Variants in SCRG1 observed in about 807,000 individuals in gnomAD.
The protein encoded by SCRG1 is stimulator of chondrogenesis 1, also known as scrapie-responsive protein 1.
SCRG1 carries 3 observed loss-of-function variants against 7.7 expected under a neutral mutation model. The ratio of observed to expected loss-of-function variants is 0.39; its 90% CI spans 0.18 to 1.01. The LOEUF (loss-of-function observed/expected upper bound fraction) is 1.01, where lower values mean the gene tolerates loss of function less well. SCRG1 is among the 50% of genes least tolerant of loss of function. The pLI is 0.36. For missense variants in SCRG1, 110 were observed against 117.2 expected, an observed-to-expected ratio of 0.94 and a Z score of 0.28; for synonymous variants, 46 against 41.2, an observed-to-expected ratio of 1.12 and a Z score of -0.44.
the SCRG1 span, among the ~76,000 whole-genome samples, chr4:173,485,586 A>G: frequency 6.6e-6 from 1 of 152,114 alleles, no homozygotes; most frequent in Admixed American, 6.6e-5. Flanking sequence ...ATAGTTTGTT[A>G]TACCATACTA....
chr4:173,412,753 A>G, the SCRG1 span, among the ~76,000 whole-genome samples: 413 of 152,232 alleles, frequency 2.7e-3, 4 homozygotes, highest in Non-Finnish European at 4.2e-3. Flanking sequence ...TTTTCCCCCA[A>G]TAACTTGGGA....
the SCRG1 span, among the ~76,000 whole-genome samples, chr4:173,418,427 T>C: frequency 6.6e-6 from 1 of 152,202 alleles, no homozygotes; most frequent in African/African-American, 2.4e-5. Context: ...CCAGCACAGC[T>C]GAGCCCATCA....
the SCRG1 span, among the ~76,000 whole-genome samples, chr4:173,463,953 T>A: frequency 6.6e-6 from 1 of 151,974 alleles, no homozygotes; most frequent in Non-Finnish European, 1.5e-5. Context: ...CAACGGACAA[T>A]GGGGGGAGAA....
chr4:173,408,070 T>A (rs576500987), upstream of SCRG1, among the ~76,000 whole-genome samples: 2 of 152,330 alleles, frequency 1.3e-5, no homozygotes, highest in Non-Finnish European at 2.9e-5. Flanking sequence ...ACATATCAGA[T>A]AGGACACATG....
At chr4:173,472,077 A>T in the SCRG1 span, among the ~76,000 whole-genome samples, 1 of 152,070 alleles carries the variant, frequency 6.6e-6, no homozygotes, top group African/African-American at 2.4e-5. Context: ...TTTTCTTACC[A>T]TTTCTTCCTT....
chr4:173,483,925 A>T, the SCRG1 span, among the ~76,000 whole-genome samples: 9 of 101,868 alleles, frequency 8.8e-5, no homozygotes, highest in African/African-American at 3.7e-4. Flanking sequence ...TATGTTATAT[A>T]TTTCATATAT....
At chr4:173,518,727 G>A in the SCRG1 span, among the ~76,000 whole-genome samples, 1 of 152,084 alleles carries the variant, frequency 6.6e-6, no homozygotes, top group South Asian at 2.1e-4. Flanking sequence ...CCACTTTGCC[G>A]TTCGAAAATG....
chr4:173,427,203 T>C, the SCRG1 span, among the ~76,000 whole-genome samples: 4 of 152,218 alleles, frequency 2.6e-5, no homozygotes, highest in African/African-American at 4.8e-5. Context: ...ATCTGACTAA[T>C]TCGTGAGCCC....
At chr4:173,517,571 CCACA>C in the SCRG1 span, among the ~76,000 whole-genome samples, 2 of 152,152 alleles carry the variant, frequency 1.3e-5, no homozygotes, top group Non-Finnish European at 2.9e-5. Flanking sequence ...CTGCGTACAT[CCACA>C]CAGCGCATTA....
At chr4:173,485,095 T>A in the SCRG1 span, among the ~76,000 whole-genome samples, 630 of 11,304 alleles carry the variant, frequency 0.056, 125 homozygotes, top group Non-Finnish European at 0.12. Flanking sequence ...ATATTATATA[T>A]TATATATTAT....
the SCRG1 span, among the ~76,000 whole-genome samples, chr4:173,506,427 TG>T: frequency 6.6e-6 from 1 of 152,156 alleles, no homozygotes; most frequent in Admixed American, 6.5e-5. This position sits in a 1 kb window ranked among gnomAD's most constrained non-coding sequence, Gnocchi z 5.3. Context: ...CTCTCATGCC[TG>T]GAACTTGTTT....
the SCRG1 span, among the ~76,000 whole-genome samples, chr4:173,461,913 A>T: frequency 1.3e-5 from 2 of 152,300 alleles, no homozygotes; most frequent in African/African-American, 4.8e-5. Context: ...GGAGCCAAAA[A>T]ATGCAATTGG....
At chr4:173,489,051 T>C in the SCRG1 span, among the ~76,000 whole-genome samples, 2 of 152,206 alleles carry the variant, frequency 1.3e-5, no homozygotes, top group Non-Finnish European at 2.9e-5. Context: ...TAATGTCTCA[T>C]TCATTTTACA....
the SCRG1 span, chr4:173,468,620 G>A: frequency 2.0e-5 from 3 of 152,190 alleles, no homozygotes; most frequent in African/African-American, 7.2e-5. Flanking sequence ...TTCTCACAAG[G>A]AGGAGAGTGA....
the SCRG1 span, among the ~76,000 whole-genome samples, chr4:173,444,707 G>A: frequency 1.3e-5 from 2 of 152,180 alleles, no homozygotes; most frequent in Non-Finnish European, 1.5e-5. Context: ...CTCTAGGAAA[G>A]GTTTCCTTAA....
the SCRG1 span, among the ~76,000 whole-genome samples, chr4:173,476,691 G>C: frequency 9.1e-4 from 138 of 152,182 alleles, 2 homozygotes; most frequent in African/African-American, 3.3e-3. Flanking sequence ...GCTGGGCATG[G>C]TGGCCTGTAG....
chr4:173,465,509 C>G, the SCRG1 span, among the ~76,000 whole-genome samples: 1 of 152,140 alleles, frequency 6.6e-6, no homozygotes, highest in East Asian at 1.9e-4. Context: ...GTCCCCTCAC[C>G]TTGAGTGTGG....
At chr4:173,407,474 G>T (rs1189361572), upstream of SCRG1, among the ~76,000 whole-genome samples, 2 of 152,112 alleles carry the variant, frequency 1.3e-5, no homozygotes, top group African/African-American at 4.8e-5. Flanking sequence ...GGTGGAAGTT[G>T]CAGTGAGCCG....
the SCRG1 span, among the ~76,000 whole-genome samples, chr4:173,421,145 A>G: frequency 6.6e-6 from 1 of 151,850 alleles, no homozygotes; most frequent in Non-Finnish European, 1.5e-5. Flanking sequence ...TCAGAAGTGA[A>G]TACTTTTCTT....
Sources: gnomAD v4.1 joint callset for allele counts (sites outside exome capture counted in the v4.1 genomes callset) on GRCh38, gnomAD v4.1.1 for gene constraint, Gnocchi (gnomAD v3.1) non-coding constraint, MANE v1.5 for transcripts, NCBI Gene and HGNC (gene_info 2026-07-23, HGNC 2026-07-21) for gene names.